Variants in RAB7B observed in about 807,000 individuals in gnomAD.
RAB7B encodes the protein RAB7B, member RAS oncogene family, also known as ras-related protein Rab-7b.
chr1:205,991,940 G>A (rs1030645701), intron 4 of RAB7B, among the ~76,000 whole-genome samples: 1 of 152,204 alleles, frequency 6.6e-6, no homozygotes, highest in South Asian at 2.1e-4. Flanking sequence ...TTAACCCGAT[G>A]GTCCGGAATA....
chr1:206,001,999 A>G (rs1660900130), intron 1 of RAB7B, among the ~76,000 whole-genome samples: 1 of 152,170 alleles, frequency 6.6e-6, no homozygotes, highest in African/African-American at 2.4e-5. Context: ...GGGGCAGGTA[A>G]GGATTCTGAA....
chr1:205,999,577 A>G (rs1301394173), intron 1 of RAB7B, among the ~76,000 whole-genome samples: 1 of 152,174 alleles, frequency 6.6e-6, no homozygotes, highest in Non-Finnish European at 1.5e-5. Flanking sequence ...TCAAAACGTA[A>G]TATGCACACA....
At chr1:205,996,134 T>C (rs1660809442) in intron 1 of RAB7B, among the ~76,000 whole-genome samples, 1 of 133,386 alleles carries the variant, frequency 7.5e-6, no homozygotes, top group Non-Finnish European at 1.6e-5. Flanking sequence ...AAGAGAAATG[T>C]AAATGTATAG....
At chr1:205,994,405 A>G (rs1161408339) in intron 1 of RAB7B, 5 of 276,390 alleles carry the variant, frequency 1.8e-5, no homozygotes, top group African/African-American at 6.6e-5. Flanking sequence ...CCTCAGCTCT[A>G]CCAACCCTGC....
chr1:205,991,258 G>A lies in RAB7B; in HGVS notation c.396+1222C>T, dbSNP rs1660718333. ...CCTATTCCCTCTCTTAGACCACAAGGTTCTCACCCACAGCTGGTCCCAGTG... is the reference window on the plus strand; with the variant it reads ...CCTATTCCCTCTCTTAGACCACAAGATTCTCACCCACAGCTGGTCCCAGTG... On this transcript the variant is annotated intron_variant, in intron 4 of 5. Coordinates refer to ENST00000617070, the MANE Select transcript of RAB7B (RefSeq NM_001164522.3). 2.6e-5 allele frequency among the ~76,000 whole-genome samples: 4 copies of A among 152,184 alleles called. No homozygotes were observed. The South Asian group carries it at 8.3e-4, about 32-fold the overall frequency.
At chr1:205,990,545 A>AGG (rs1332181439) in intron 4 of RAB7B, among the ~76,000 whole-genome samples, 7 of 152,120 alleles carry the variant, frequency 4.6e-5, no homozygotes, top group Non-Finnish European at 1.0e-4. Flanking sequence ...AGAGAGAGAG[A>AGG]GAGAGCAACA....
intron 5 of RAB7B, among the ~76,000 whole-genome samples, chr1:205,981,028 G>A (rs1571789947): frequency 6.6e-6 from 1 of 151,986 alleles, no homozygotes; most frequent in African/African-American, 2.4e-5. Context: ...AGCCTCCCAA[G>A]TAGCTGGGAC....
chr1:205,987,418 C>G (rs992516483), intron 4 of RAB7B, among the ~76,000 whole-genome samples: 2 of 152,158 alleles, frequency 1.3e-5, no homozygotes, highest in African/African-American at 4.8e-5. Context: ...TTTCTGGTTG[C>G]AATTTTACTT....
At chr1:205,983,010 G>A (rs1014380244) in intron 5 of RAB7B, among the ~76,000 whole-genome samples, 11 of 152,194 alleles carry the variant, frequency 7.2e-5, no homozygotes, top group Non-Finnish European at 1.5e-4. Context: ...GTGCCCTGTT[G>A]GGTTTCAAGG....
Position 205,998,749 on chromosome 1 carries a change from C to T in RAB7B, c.-17+4504G>A, listed in dbSNP as rs36140351. Among the ~76,000 whole-genome samples the T allele has an allele frequency of 6.1e-4, 93 of 152,296 alleles. No homozygotes were observed. The East Asian group carries it at 6.5e-3, about 11-fold the overall frequency. ...CTGTGCTGAGGGCTTTGTGAATACACAAATACACAATAGCATTGTCAGGGG... is the reference window on the plus strand; with the variant it reads ...CTGTGCTGAGGGCTTTGTGAATACATAAATACACAATAGCATTGTCAGGGG... On this transcript the variant is annotated intron_variant, in intron 1 of 5. Coordinates refer to ENST00000617070, the MANE Select transcript of RAB7B (RefSeq NM_001164522.3).
At chr1:205,980,570 C>G (rs1660471000) in intron 5 of RAB7B, among the ~76,000 whole-genome samples, 1 of 152,208 alleles carries the variant, frequency 6.6e-6, no homozygotes, top group Admixed American at 6.5e-5. Context: ...GGGAGTCTGT[C>G]TCTGTTCCCC....
At chr1:205,991,136 T>C (rs947933837) in intron 4 of RAB7B, among the ~76,000 whole-genome samples, 9 of 152,172 alleles carry the variant, frequency 5.9e-5, no homozygotes, top group African/African-American at 2.2e-4. Context: ...CTTCTCCCTC[T>C]TCCTGCTTCA....
intron 1 of RAB7B, among the ~76,000 whole-genome samples, chr1:205,995,612 T>G (rs1388470754): frequency 6.6e-6 from 1 of 152,214 alleles, no homozygotes; most frequent in East Asian, 1.9e-4. Context: ...GAGGACCTTA[T>G]GTTAAGTGAA....
chr1:206,002,240 C>G, intron 1 of RAB7B, among the ~76,000 whole-genome samples: 1 of 152,340 alleles, frequency 6.6e-6, no homozygotes, highest in East Asian at 1.9e-4. Flanking sequence ...CCACCTCAAC[C>G]CTAGCAGGTC....
chr1:205,992,770 C>G (rs1432774911), intron 3 of RAB7B, 75 bp from the exon 4 acceptor site: 1 of 398,280 alleles, frequency 2.5e-6, no homozygotes. Context: ...TACATCATGT[C>G]AAGGCTTCTT....
intron 1 of RAB7B, among the ~76,000 whole-genome samples, chr1:205,997,054 G>A (rs1242536533): frequency 6.6e-6 from 1 of 152,212 alleles, no homozygotes; most frequent in Non-Finnish European, 1.5e-5. Flanking sequence ...GCGATTTGAA[G>A]CTCTACTCAG....
At chr1:205,987,619 TAA>T (rs1457691300) in intron 4 of RAB7B, among the ~76,000 whole-genome samples, 1 of 152,220 alleles carries the variant, frequency 6.6e-6, no homozygotes, top group Non-Finnish European at 1.5e-5. Flanking sequence ...AACATGATCT[TAA>T]GTCTACGGAA....
intron 4 of RAB7B, among the ~76,000 whole-genome samples, chr1:205,989,139 CATCCTCTCCTCA>C (rs1284195891): frequency 6.7e-6 from 1 of 148,816 alleles, no homozygotes; most frequent in African/African-American, 2.6e-5. Flanking sequence ...TCCTCTCCTC[CATCCTCTCCTCA>C]CCCCTCCTCC....
intron 3 of RAB7B, among the ~76,000 whole-genome samples, chr1:205,993,103 AT>A (rs1265486614): frequency 7.3e-5 from 11 of 151,426 alleles, no homozygotes; most frequent in Non-Finnish European, 1.0e-4. Flanking sequence ...AGGCATCAGC[AT>A]TTTTTTTTCT....
Sources: allele counts gnomAD v4.1 joint callset (sites outside exome capture counted in the v4.1 genomes callset), GRCh38; gene constraint gnomAD v4.1.1; transcripts MANE v1.5; gene names NCBI Gene and HGNC (gene_info 2026-07-23, HGNC 2026-07-21).